Variants in UPK1A observed in about 807,000 individuals in gnomAD.
UPK1A encodes uroplakin 1A, also known as uroplakin-1a.
UPK1A carries 31 observed loss-of-function variants against 32.3 expected under a neutral mutation model. That is an observed-to-expected ratio of 0.96 (90% CI 0.72 to 1.30). The LOEUF (loss-of-function observed/expected upper bound fraction) is 1.30, where lower values mean the gene tolerates loss of function less well. Ranked by LOEUF, UPK1A falls within the 50% of genes most tolerant of loss-of-function variation. The probability of loss-of-function intolerance (pLI) is 0.00; values close to 1 mark genes in which losing one functional copy is unlikely to be tolerated. For missense variants in UPK1A, 340 were observed against 357.4 expected (o/e 0.95, Z 0.39); for synonymous variants, 135 against 137.1 (o/e 0.98, Z 0.11).
rs981011094 is a variant in UPK1A at position 35,668,625 on chromosome 19, C to G, written c.256C>G (p.Leu86Val). The G allele has an allele frequency of 3.1e-6, 5 of 1,613,818 alleles. No homozygotes were observed. In the African/African-American group the frequency reaches 6.7e-5, roughly 22 times the overall value. Residue 86 changes from leucine to valine, a missense_variant, in exon 3 of 8, where the codon CTC (leucine) becomes GTC (valine). Transcript: ENST00000617999. ...AGCCAGTTTTGGTGTGGGTGCCGCACTCTGCCGCCGCCGGTCCATGGTCCT... is the reference window on the plus strand; with the variant it reads ...AGCCAGTTTTGGTGTGGGTGCCGCAGTCTGCCGCCGCCGGTCCATGGTCCT...
At chr19:35,671,204 C>T (rs989953267) in intron 3 of UPK1A, among the ~76,000 whole-genome samples, 8 of 151,514 alleles carry the variant, frequency 5.3e-5, no homozygotes, top group Non-Finnish European at 7.4e-5. Context: ...CTGGCTAACA[C>T]GGTGAAATCC....
chr19:35,671,108 G>A (rs1318770046), intron 3 of UPK1A, among the ~76,000 whole-genome samples: 1 of 151,928 alleles, frequency 6.6e-6, no homozygotes, highest in African/African-American at 2.4e-5. Flanking sequence ...TTGTGTCTGG[G>A]CCGGGCTCGG....
Position 35,673,231 on chromosome 19 carries a change from G to C in UPK1A, c.286-1G>C, listed in dbSNP as rs201938049. 1 of 1,614,020 alleles carries C rather than the reference G, an allele frequency of 6.2e-7. No individual in the cohort carries two copies. The highest frequency in any genetic ancestry group is 2.2e-5 in the East Asian group (1 of 44,868). ...GGGCCGTCCTCCCTCTGTCTCCCCA[G>C]TACCTGGTGCTCATGCTCATCGTCT... On this transcript the variant is annotated splice_acceptor_variant, in intron 3 of 7. Coordinates refer to ENST00000617999, the Ensembl canonical transcript of UPK1A. LOFTEE classifies it high-confidence loss of function.
chr19:35,668,676 G>A, intron 3 of UPK1A, 22 bp downstream of exon 3: 4 of 1,598,888 alleles, frequency 2.5e-6, no homozygotes, highest in Middle Eastern at 1.8e-4. Context: ...GGGGTTGGGG[G>A]ATGGGGACAC....
At chr19:35,670,334 C>G (rs890591885) in intron 3 of UPK1A, among the ~76,000 whole-genome samples, 3 of 151,842 alleles carry the variant, frequency 2.0e-5, no homozygotes. Flanking sequence ...TTGGCTTTAT[C>G]CTGAGTAAGA....
chr19:35,677,696 T>C, intron 6 of UPK1A, 116 bp from the exon 7 acceptor site: 1 of 1,339,420 alleles, frequency 7.5e-7, no homozygotes, highest in Non-Finnish European at 1.0e-6. Context: ...ATTGCACAAG[T>C]GAGAAAACCA....
intron 3 of UPK1A, 126 bp downstream of exon 3, chr19:35,668,780 G>A: frequency 5.6e-6 from 6 of 1,072,092 alleles, no homozygotes; most frequent in Non-Finnish European, 8.0e-6. Context: ...AGGGATCCCA[G>A]GCATCATCTC....
At chr19:35,668,615 G>A (rs1968038482) in exon 3 of UPK1A, 1 of 1,614,032 alleles carries the variant, frequency 6.2e-7, no homozygotes, top group Non-Finnish European at 8.5e-7. Context: ...GTTTTGGTGT[G>A]GGTGCCGCAC....
chr19:35,676,410 G>A (rs1284690912), intron 6 of UPK1A: 2 of 312,812 alleles, frequency 6.4e-6, no homozygotes, highest in Non-Finnish European at 1.2e-5. Context: ...GGCTGGTCTC[G>A]AACTCCTGAG....
chr19:35,675,902 G>T (rs774174868), exon 6 of UPK1A: 1 of 1,613,906 alleles, frequency 6.2e-7, no homozygotes, highest in Non-Finnish European at 8.5e-7. Context: ...CCTTCCGGGC[G>T]GCCACTCCGG....
chr19:35,666,927 T>G, intron 2 of UPK1A, 31 bp downstream of exon 2: 2 of 1,610,016 alleles, frequency 1.2e-6, no homozygotes, highest in East Asian at 2.2e-5. Flanking sequence ...GGGAGCCGAG[T>G]GGTTGTGTGG....
At chr19:35,678,377 A>G (rs1289605524) in exon 8 of UPK1A, 3 of 226,908 alleles carry the variant, frequency 1.3e-5, no homozygotes, top group Non-Finnish European at 2.6e-5. Flanking sequence ...GGAAGCCTCT[A>G]TTGCCATGAG....
chr19:35,676,662 G>T (rs1968187308), intron 6 of UPK1A, among the ~76,000 whole-genome samples: 1 of 151,678 alleles, frequency 6.6e-6, no homozygotes, highest in African/African-American at 2.4e-5. Flanking sequence ...ACTTTGGGAG[G>T]CTGAGGAGGG....
At position 35,675,898 on chromosome 19, in the gene UPK1A, G is replaced by A. The variant is rs368710016; in HGVS notation, c.527G>A (p.Arg176Gln). ...TGGGTGAACTTCACGTCAGCCTTCCGGGCGGCCACTCCGGAGGTGGTGTTC... is the reference window on the plus strand; with the variant it reads ...TGGGTGAACTTCACGTCAGCCTTCCAGGCGGCCACTCCGGAGGTGGTGTTC... The change falls in exon 6 of 8, where the codon CGG becomes CAG. Residue 176 changes from arginine (R) to glutamine (Q), a missense_variant. Coordinates refer to ENST00000617999, the Ensembl canonical transcript of UPK1A. The A allele has an allele frequency of 1.8e-4, 298 of 1,613,806 alleles. No individual in the cohort carries two copies. Among genetic ancestry groups the A allele is most frequent in the Non-Finnish European group, 2.3e-4 (276 of 1,179,988 alleles).
chr19:35,675,257 G>T (rs1043657925), intron 5 of UPK1A, among the ~76,000 whole-genome samples: 1 of 152,032 alleles, frequency 6.6e-6, no homozygotes, highest in African/African-American at 2.4e-5. Context: ...TATTTTATCA[G>T]CATAGTTGTT....
intron 3 of UPK1A, among the ~76,000 whole-genome samples, chr19:35,671,630 T>C (rs1968102944): frequency 6.7e-6 from 1 of 149,886 alleles, no homozygotes; most frequent in Non-Finnish European, 1.5e-5. Context: ...GTTAATTTTT[T>C]TTTTTGTATT....
At chr19:35,671,110 C>T (rs12104249) in intron 3 of UPK1A, among the ~76,000 whole-genome samples, 23,762 of 151,900 alleles carry the variant, frequency 0.16, 2,031 homozygotes, top group Middle Eastern at 0.29. Context: ...GTGTCTGGGC[C>T]GGGCTCGGTG....
intron 6 of UPK1A, among the ~76,000 whole-genome samples, chr19:35,677,489 G>C (rs191239334): frequency 6.6e-6 from 1 of 151,562 alleles, no homozygotes; most frequent in African/African-American, 2.4e-5. Context: ...TCATGCCACT[G>C]CACTGTAGCC....
At chr19:35,677,833 C>T in exon 7 of UPK1A, 3 of 1,612,160 alleles carry the variant, frequency 1.9e-6, no homozygotes, top group Non-Finnish European at 2.5e-6. Flanking sequence ...ACACATCGGC[C>T]ACGCCATCGA....
Sources: allele counts gnomAD v4.1 joint callset (sites outside exome capture counted in the v4.1 genomes callset), GRCh38; gene constraint gnomAD v4.1.1; transcripts MANE v1.5; gene names NCBI Gene and HGNC (gene_info 2026-07-23, HGNC 2026-07-21).